UBR1: variants seen among roughly 807,000 people sequenced by gnomAD.
The protein encoded by UBR1 is E3 ubiquitin-protein ligase UBR1.
Under a neutral mutation model 242.1 loss-of-function variants are expected in UBR1, and 102 were observed. The ratio of observed to expected loss-of-function variants is 0.42; its 90% CI spans 0.36 to 0.50. UBR1 has a LOEUF of 0.50. Ranked by LOEUF, UBR1 falls within the 20% of genes least tolerant of loss-of-function variation. The pLI is 0.01. For missense variants in UBR1, 1,772 were observed against 2,101.8 expected (o/e 0.84, Z 3.07); for synonymous variants, 675 against 684.8 (o/e 0.99, Z 0.22).
chr15:43,030,802 GA>G (rs1450932822), intron 20 of UBR1, among the ~76,000 whole-genome samples: 2 of 152,182 alleles, frequency 1.3e-5, no homozygotes, highest in African/African-American at 4.8e-5. Flanking sequence ...GAAGTCCTAT[GA>G]TATCTATAAG....
chr15:43,031,588 G>A (rs1596109950), intron 20 of UBR1, among the ~76,000 whole-genome samples: 2 of 152,294 alleles, frequency 1.3e-5, no homozygotes, highest in East Asian at 3.9e-4. Context: ...CTAGCAACTA[G>A]CTCTCTGACA....
chr15:42,990,668 C>G (rs954192960), intron 33 of UBR1, among the ~76,000 whole-genome samples: 4 of 152,116 alleles, frequency 2.6e-5, no homozygotes, highest in African/African-American at 9.7e-5. Flanking sequence ...CTGCATCTTG[C>G]CTTTGCACCT....
chr15:43,088,839 TA>T (rs1373298795), intron 1 of UBR1, among the ~76,000 whole-genome samples: 6 of 136,850 alleles, frequency 4.4e-5, no homozygotes, highest in Non-Finnish European at 7.7e-5. Flanking sequence ...CTTTTGCAAC[TA>T]ACAAAAAAAA....
chr15:43,037,516 G>A (rs1280289699), intron 17 of UBR1, among the ~76,000 whole-genome samples: 3 of 152,070 alleles, frequency 2.0e-5, no homozygotes, highest in African/African-American at 7.2e-5. Flanking sequence ...ATGTTAATGG[G>A]GAGGACTCTG....
At chr15:43,032,236 A>G (rs1053693591) in intron 20 of UBR1, among the ~76,000 whole-genome samples, 1 of 152,214 alleles carries the variant, frequency 6.6e-6, no homozygotes, top group Non-Finnish European at 1.5e-5. Context: ...CTGGCAAAGA[A>G]CACTCTTTTT....
At chr15:42,988,641 A>C in intron 35 of UBR1, 178 bp downstream of exon 35, 4 of 793,686 alleles carry the variant, frequency 5.0e-6, no homozygotes, top group Non-Finnish European at 8.3e-6. Context: ...TTAAAAAGAG[A>C]TCAACATAAA....
intron 22 of UBR1, 56 bp from the exon 23 acceptor site, chr15:43,026,719 G>T: frequency 6.9e-7 from 1 of 1,454,108 alleles, no homozygotes. Flanking sequence ...ATAAAATATA[G>T]ACAAAATAAA....
Position 42,986,825 on chromosome 15 carries a change from G to A in UBR1, c.3998-1883C>T, listed in dbSNP as rs552024047. Among the ~76,000 whole-genome samples the A allele has an allele frequency of 8.7e-4, 133 of 152,226 alleles. 1 individual carries two copies. Among genetic ancestry groups the A allele is most frequent in the African/African-American group, 2.9e-3 (119 of 41,524 alleles). On this transcript the variant is annotated intron_variant, in intron 35 of 46. Transcript: ENST00000290650. ...GGGAGGCCACGCCACGGCAGTACCC[G>A]GGGACCATGGGCCAGCAAAGGGTCC...
chr15:43,074,989 G>A lies in UBR1; in HGVS notation c.518C>T (p.Thr173Ile). 1 of 1,612,614 alleles carries A rather than the reference G, an allele frequency of 6.2e-7. No homozygotes were observed. Among genetic ancestry groups the A allele is most frequent in the Non-Finnish European group, 8.5e-7 (1 of 1,178,696 alleles). Residue 173 changes from threonine to isoleucine, a missense_variant, in exon 4 of 47, where the codon ACT (threonine) becomes ATT (isoleucine). Thr to Ile is a moderately conservative substitution (Grantham distance 89). Coordinates refer to ENST00000290650, the MANE Select transcript of UBR1 (RefSeq NM_174916.3). ...CVNHEPGRAG[T>I]IKENSRCPLN... is the part of the protein sequence containing the mutation. The stretch of plus-strand genomic sequence containing the variant: ...AAATAGCATTCTTACCTCTTTTATA[G>A]TACCTGCTCTTCCAGGTTCATGATT...
At chr15:42,996,022 G>A (rs1181657999) in intron 33 of UBR1, among the ~76,000 whole-genome samples, 1 of 152,108 alleles carries the variant, frequency 6.6e-6, no homozygotes, top group Non-Finnish European at 1.5e-5. Flanking sequence ...AAAATGCCAT[G>A]CTCACAGTTC....
chr15:43,078,593 A>G (rs1383668202), intron 3 of UBR1, among the ~76,000 whole-genome samples: 4 of 152,190 alleles, frequency 2.6e-5, no homozygotes, highest in Non-Finnish European at 5.9e-5. Flanking sequence ...CTATAACACA[A>G]TGCTCCAAAC....
intron 11 of UBR1, 85 bp downstream of exon 11, chr15:43,056,259 T>C (rs2033618397): frequency 9.4e-7 from 1 of 1,063,684 alleles, no homozygotes; most frequent in Non-Finnish European, 1.5e-6. Context: ...AACATTGTTC[T>C]AATTTGATTC....
chr15:43,070,855 T>A lies in UBR1; in HGVS notation c.599A>T (p.Tyr200Phe), dbSNP rs149864087. Residue 200 changes from tyrosine to phenylalanine, a missense_variant, in exon 5 of 47, where the codon TAT becomes TTT. Around this residue, in one of 3 missense-constraint regions of UBR1, gnomAD observed 734 missense variants for 893.3 expected, o/e 0.82. Coordinates refer to ENST00000290650, the MANE Select transcript of UBR1 (RefSeq NM_174916.3). ...TTCCCATATAGTCATTTCTACGACATATTTTATCACTGAAGGAAATATTTT... is the reference window on the plus strand; with the variant it reads ...TTCCCATATAGTCATTTCTACGACAAATTTTATCACTGAAGGAAATATTTT... ...ARKIFPSVIK[Y>F]VVEMTIWEEE... The A allele has an allele frequency of 5.7e-5, 92 of 1,613,788 alleles. No homozygotes were observed. Among genetic ancestry groups the A allele is most frequent in the Admixed American group, 1.2e-4 (7 of 60,006 alleles).
At chr15:43,022,578 T>G (rs1043833206) in intron 26 of UBR1, 124 bp downstream of exon 26, 4 of 601,370 alleles carry the variant, frequency 6.7e-6, no homozygotes, top group Non-Finnish European at 1.1e-5. Context: ...CAGGGTTACC[T>G]ATGTTTTAAG....
In UBR1 at chr15:43,059,765, T is replaced by C. The variant is rs751496698; in HGVS notation, c.922A>G (p.Met308Val). 5 of 1,614,162 alleles carry C rather than the reference T, an allele frequency of 3.1e-6. No individual in the cohort carries two copies. The highest frequency in any genetic ancestry group is 8.5e-7 in the Non-Finnish European group (1 of 1,180,008). ...CGCAAAGCAAATTTCTGATGAGCCA[T>C]AATCTCTGAGTGTAATACTTCTACA... ...LHVEVLHSEI[M>V]AHQKFALRLG... Residue 308 changes from methionine (M) to valine (V), a missense_variant, in exon 8 of 47, where the codon ATG becomes GTG. This residue lies in a region of UBR1 where 734 missense variants were observed against 893.3 expected (regional missense o/e 0.82). Coordinates refer to ENST00000290650, the MANE Select transcript of UBR1 (RefSeq NM_174916.3).
chr15:42,994,667 T>G (rs545282305), intron 33 of UBR1, among the ~76,000 whole-genome samples: 7 of 152,194 alleles, frequency 4.6e-5, no homozygotes, highest in Non-Finnish European at 1.0e-4. Flanking sequence ...GTAGGCAATA[T>G]AGATAAAATG....
intron 33 of UBR1, among the ~76,000 whole-genome samples, chr15:42,994,110 C>T (rs2032597150): frequency 6.6e-6 from 1 of 151,968 alleles, no homozygotes; most frequent in Admixed American, 6.6e-5. Context: ...TTTAAAATTC[C>T]TAATTTGTTA....
intron 1 of UBR1, among the ~76,000 whole-genome samples, chr15:43,102,181 C>T (rs1346661648): frequency 6.6e-6 from 1 of 152,114 alleles, no homozygotes; most frequent in East Asian, 1.9e-4. Flanking sequence ...TACCTTTTGC[C>T]TCATGCCTAA....
chr15:43,043,475 C>A, intron 14 of UBR1, 80 bp from the exon 15 acceptor site: 1 of 1,368,802 alleles, frequency 7.3e-7, no homozygotes, highest in Non-Finnish European at 1.0e-6. Context: ...GACAGCCTGT[C>A]CTGTGGCCTA....
Sources: allele counts gnomAD v4.1 joint callset (sites outside exome capture counted in the v4.1 genomes callset), GRCh38; gene constraint gnomAD v4.1.1; regional missense constraint gnomAD v4.1.1; transcripts MANE v1.5; gene names NCBI Gene and HGNC (gene_info 2026-07-23, HGNC 2026-07-21).